TMEM131: variants seen among roughly 807,000 people sequenced by gnomAD.
TMEM131 encodes transmembrane protein 131.
In TMEM131, 66 loss-of-function variants were observed where a neutral mutation model predicts 211.6. The ratio of observed to expected loss-of-function variants is 0.31; its 90% CI spans 0.26 to 0.38. The LOEUF (loss-of-function observed/expected upper bound fraction) is 0.38, where lower values mean the gene tolerates loss of function less well. Ranked by LOEUF, TMEM131 falls within the 10% of genes least tolerant of loss-of-function variation. The pLI, the probability that TMEM131 is intolerant of heterozygous loss-of-function variation, is 1.00. For synonymous variants in TMEM131, 844 were observed against 841.3 expected (o/e 1.00, Z -0.06); for missense variants, 2,036 against 2,299.3 (o/e 0.89, Z 2.34).
chr2:97,884,049 G>A (rs1009769402), intron 4 of TMEM131, among the ~76,000 whole-genome samples: 5 of 150,534 alleles, frequency 3.3e-5, no homozygotes, highest in Admixed American at 1.3e-4. Flanking sequence ...TTTTGATGTA[G>A]GATTTATTGT....
At chr2:97,795,858 TATGAA>T (rs1680737481) in intron 28 of TMEM131, among the ~76,000 whole-genome samples, 1 of 152,182 alleles carries the variant, frequency 6.6e-6, no homozygotes, top group Non-Finnish European at 1.5e-5. Flanking sequence ...ACTGTACATG[TATGAA>T]ACAAATCTCT....
chr2:97,847,381 T>C (rs1683501639), intron 5 of TMEM131, among the ~76,000 whole-genome samples: 1 of 152,150 alleles, frequency 6.6e-6, no homozygotes, highest in Admixed American at 6.5e-5. Flanking sequence ...CAATTGTATC[T>C]CCATATACTA....
intron 10 of TMEM131, 138 bp from the exon 11 acceptor site, chr2:97,833,564 T>C (rs1220986332): frequency 1.8e-6 from 1 of 563,464 alleles, no homozygotes; most frequent in African/African-American, 2.0e-5. Context: ...AAAGAAACAT[T>C]AGGTGGTAAT....
chr2:97,921,896 A>C (rs1194592417), intron 2 of TMEM131, among the ~76,000 whole-genome samples: 1 of 152,232 alleles, frequency 6.6e-6, no homozygotes. Context: ...GAAGGAAGAA[A>C]ACACTTTACA....
At chr2:97,848,433 A>G (rs1311303224) in intron 5 of TMEM131, among the ~76,000 whole-genome samples, 2 of 152,210 alleles carry the variant, frequency 1.3e-5, no homozygotes, top group Non-Finnish European at 2.9e-5. Context: ...TCTGCTAAAA[A>G]ACAATGTAGC....
Position 97,757,313 on chromosome 2 carries a change from A to C in TMEM131, c.5438T>G (p.Leu1813Arg). ...PFSSSIWSSNLSSALPFTTPA... is the reference protein window; with the variant it reads ...PFSSSIWSSNRSSALPFTTPA... ...AGTGGTGAAGGGAAGGGCGCTGCTAAGGTTGCTGGACCAAATGGAGCTGCT... is the reference window on the plus strand; with the variant it reads ...AGTGGTGAAGGGAAGGGCGCTGCTACGGTTGCTGGACCAAATGGAGCTGCT... The change falls in exon 41 of 41, where the codon CTT becomes CGT. Residue 1813 changes from leucine to arginine, a missense_variant. Transcript: ENST00000186436. 6.2e-7 allele frequency: 1 copy of C among 1,613,894 alleles called. No individual in the cohort carries two copies. The highest frequency in any genetic ancestry group is 8.5e-7 in the Non-Finnish European group (1 of 1,179,868).
chr2:97,774,991 C>T (rs1027641021), intron 32 of TMEM131, among the ~76,000 whole-genome samples: 1 of 152,076 alleles, frequency 6.6e-6, no homozygotes, highest in Admixed American at 6.6e-5. Context: ...AATGACACTG[C>T]TGGAAATCTG....
chr2:97,935,860 C>T (rs1242718514), intron 1 of TMEM131, among the ~76,000 whole-genome samples: 1 of 152,244 alleles, frequency 6.6e-6, no homozygotes, highest in Non-Finnish European at 1.5e-5. Flanking sequence ...TGAATCTCAA[C>T]AAGAACAGTG....
chr2:97,918,039 C>T (rs933032116), intron 2 of TMEM131, among the ~76,000 whole-genome samples: 1 of 151,920 alleles, frequency 6.6e-6, no homozygotes, highest in Non-Finnish European at 1.5e-5. Flanking sequence ...CTCCGCCTCC[C>T]GGGTTCAAGC....
intron 1 of TMEM131, among the ~76,000 whole-genome samples, chr2:97,938,469 G>GT (rs1559460761): frequency 6.6e-6 from 1 of 152,168 alleles, no homozygotes; most frequent in Non-Finnish European, 1.5e-5. Flanking sequence ...AATTCAACAA[G>GT]AAGAACTAAC....
At position 97,958,788 on chromosome 2, in the gene TMEM131, TG is replaced by T. The variant is rs532816918; in HGVS notation, c.188-31302del. 1.6e-4 allele frequency among the ~76,000 whole-genome samples: 25 copies of T among 152,250 alleles called. 2 individuals carry two copies. The South Asian group carries it at 5.2e-3, about 32-fold the overall frequency. On this transcript the variant is annotated intron_variant, in intron 1 of 40. Coordinates refer to ENST00000186436, the MANE Select transcript of TMEM131 (RefSeq NM_015348.2). Reference sequence around the variant, plus strand: ...GCAGTTCCAAGACAGTACTTGAACTTGGGGAAAGGGACACCAACAGAGGGAC... The same window carrying T: ...GCAGTTCCAAGACAGTACTTGAACTTGGGAAAGGGACACCAACAGAGGGAC...
intron 1 of TMEM131, among the ~76,000 whole-genome samples, chr2:97,965,229 C>A (rs1007779523): frequency 6.6e-6 from 1 of 152,216 alleles, no homozygotes; most frequent in Admixed American, 6.5e-5. Context: ...TTCACAGAAA[C>A]CGCCACTGCT....
At chr2:97,794,284 C>A (rs1043389829) in intron 29 of TMEM131, among the ~76,000 whole-genome samples, 1 of 152,054 alleles carries the variant, frequency 6.6e-6, no homozygotes, top group African/African-American at 2.4e-5. Flanking sequence ...GATCTGCCCG[C>A]CTCGGCCTCC....
intron 1 of TMEM131, among the ~76,000 whole-genome samples, chr2:97,942,684 G>GA (rs796158026): frequency 8.5e-5 from 13 of 152,128 alleles, no homozygotes; most frequent in African/African-American, 3.1e-4. Flanking sequence ...AAAATAAACA[G>GA]AAAATCTTAA....
chr2:97,898,914 C>T (rs1484069141), intron 3 of TMEM131, among the ~76,000 whole-genome samples: 1 of 151,850 alleles, frequency 6.6e-6, no homozygotes, highest in Admixed American at 6.6e-5. Flanking sequence ...ATATAATCTG[C>T]TCTTGGTGGA....
At chr2:97,857,570 A>T (rs1471414231) in intron 5 of TMEM131, among the ~76,000 whole-genome samples, 1 of 152,228 alleles carries the variant, frequency 6.6e-6, no homozygotes, top group Non-Finnish European at 1.5e-5. Context: ...TTTTTAACTG[A>T]TTCCATTTTT....
At chr2:97,786,570 T>C (rs969979395) in intron 31 of TMEM131, among the ~76,000 whole-genome samples, 1 of 152,152 alleles carries the variant, frequency 6.6e-6, no homozygotes, top group Non-Finnish European at 1.5e-5. Context: ...ACAAAAACAT[T>C]TGTCTCTGAC....
rs1455523997 is a variant in TMEM131, at chr2:97,812,428, T to G, written c.1856A>C (p.Gln619Pro). ...AATAGAAAGTTTACTTACCGATGAT[T>G]GATCTGATAAAGAGGATTTTTCAAA... ...PEFEKSSLSD[Q>P]SSVTLASGYF... Residue 619 changes from glutamine to proline, a missense_variant, in exon 17 of 41, where the codon CAA (glutamine) becomes CCA (proline). This residue lies in a region of TMEM131 where 1,623 missense variants were observed against 1,805.9 expected (regional missense o/e 0.90). Coordinates refer to ENST00000186436, the MANE Select transcript of TMEM131 (RefSeq NM_015348.2). 6.2e-7 allele frequency: 1 copy of G among 1,600,932 alleles called. No individual in the cohort carries two copies. The highest frequency in any genetic ancestry group is 8.5e-7 in the Non-Finnish European group (1 of 1,176,528).
chr2:97,978,863 A>T (rs1679662559), intron 1 of TMEM131, among the ~76,000 whole-genome samples: 1 of 152,166 alleles, frequency 6.6e-6, no homozygotes, highest in South Asian at 2.1e-4. Flanking sequence ...CCTTTCCAGG[A>T]GGTTTTCAAT....
Sources: gnomAD v4.1 joint callset for allele counts (sites outside exome capture counted in the v4.1 genomes callset) on GRCh38, gnomAD v4.1.1 for gene constraint, gnomAD v4.1.1 regional missense constraint, MANE v1.5 for transcripts, NCBI Gene and HGNC (gene_info 2026-07-23, HGNC 2026-07-21) for gene names.